The following TMEM131 variants were observed in gnomAD, a reference collection of about 807,000 sequenced individuals.
TMEM131 encodes the protein 2610524E03Rik.
A neutral mutation model predicts 211.6 loss-of-function variants in TMEM131; 66 were observed. The observed-to-expected ratio is 0.31, with a 90% CI of 0.26 to 0.38. TMEM131 has a LOEUF of 0.38. Ranked by LOEUF, TMEM131 falls within the 10% of genes least tolerant of loss-of-function variation. The pLI, the probability that TMEM131 is intolerant of heterozygous loss-of-function variation, is 1.00. For missense variants in TMEM131, 2,036 were observed against 2,299.3 expected (o/e 0.89, Z 2.34); for synonymous variants, 844 against 841.3 (o/e 1.00, Z -0.06).
At chr2:97,943,053 G>GAAAAGAAAAGA (rs1320631396) in intron 1 of TMEM131, among the ~76,000 whole-genome samples, 4 of 66,212 alleles carry the variant, frequency 6.0e-5, no homozygotes, top group Admixed American at 5.0e-4. Context: ...AAGAAAGAAA[G>GAAAAGAAAAGA]AAAGAAAGAA....
At chr2:97,765,993 T>C (rs1425120323) in intron 35 of TMEM131, 121 bp downstream of exon 35, 1 of 1,296,302 alleles carries the variant, frequency 7.7e-7, no homozygotes, top group Non-Finnish European at 1.1e-6. Flanking sequence ...AATGGGCTCT[T>C]AGCTGGCAAA....
intron 11 of TMEM131, among the ~76,000 whole-genome samples, chr2:97,831,664 C>CTTTTTTTTTTTTTTT (rs11378393): frequency 7.4e-5 from 6 of 80,614 alleles, no homozygotes; most frequent in Admixed American, 3.4e-4. Flanking sequence ...TCACATACCT[C>CTTTTTTTTTTTTTTT]TTTTTTTTTT....
At chr2:97,908,241 C>T (rs570631531) in intron 3 of TMEM131, among the ~76,000 whole-genome samples, 4 of 152,102 alleles carry the variant, frequency 2.6e-5, no homozygotes, top group African/African-American at 4.8e-5. Flanking sequence ...TATTTAAAAG[C>T]GGTCTCTCCA....
intron 4 of TMEM131, among the ~76,000 whole-genome samples, chr2:97,863,055 T>C (rs573169494): frequency 1.4e-4 from 21 of 152,230 alleles, no homozygotes; most frequent in African/African-American, 4.8e-4. Flanking sequence ...GTAGAAATCT[T>C]ACAGGCCAGG....
At chr2:97,774,567 G>A (rs781645738) in intron 32 of TMEM131, among the ~76,000 whole-genome samples, 26 of 152,308 alleles carry the variant, frequency 1.7e-4, no homozygotes, top group African/African-American at 5.1e-4. Context: ...CAAATAGCAC[G>A]GAAGAAGCTG....
At chr2:97,987,405 A>G (rs1680074137) in intron 1 of TMEM131, among the ~76,000 whole-genome samples, 1 of 152,132 alleles carries the variant, frequency 6.6e-6, no homozygotes, top group African/African-American at 2.4e-5. Context: ...CAGGAGGCTG[A>G]GGCAGGAGAA....
chr2:97,897,062 C>T (rs543989040), intron 3 of TMEM131, among the ~76,000 whole-genome samples: 1 of 151,934 alleles, frequency 6.6e-6, no homozygotes, highest in South Asian at 2.1e-4. Flanking sequence ...TAAATTTATC[C>T]CAAAGTATGC....
intron 3 of TMEM131, among the ~76,000 whole-genome samples, chr2:97,896,524 C>T (rs1190200759): frequency 3.3e-5 from 5 of 152,054 alleles, no homozygotes; most frequent in African/African-American, 1.2e-4. Flanking sequence ...TAAGAACTTG[C>T]TTTATGAATC....
chr2:97,881,930 T>C (rs1674952895), intron 4 of TMEM131, among the ~76,000 whole-genome samples: 2 of 152,172 alleles, frequency 1.3e-5, no homozygotes, highest in Admixed American at 6.5e-5. Flanking sequence ...GGAAAAAACA[T>C]ACAATAACTT....
At chr2:97,984,821 C>T (rs1679956020) in intron 1 of TMEM131, among the ~76,000 whole-genome samples, 1 of 151,690 alleles carries the variant, frequency 6.6e-6, no homozygotes. Context: ...AACAAAACCA[C>T]AATATAAAAA....
At chr2:97,776,167 C>T in intron 31 of TMEM131, 149 bp from the exon 32 acceptor site, 1 of 743,016 alleles carries the variant, frequency 1.3e-6, no homozygotes, top group South Asian at 1.9e-5. Context: ...CATTCTCCTG[C>T]CTCAGCCTCC....
intron 40 of TMEM131, among the ~76,000 whole-genome samples, chr2:97,758,550 C>T (rs950409490): frequency 1.3e-5 from 2 of 152,224 alleles, no homozygotes; most frequent in Admixed American, 6.5e-5. Context: ...CCTCAACCAT[C>T]TGAACCTGCC....
chr2:97,906,867 T>C (rs986914796), intron 3 of TMEM131, among the ~76,000 whole-genome samples: 2 of 152,190 alleles, frequency 1.3e-5, no homozygotes, highest in African/African-American at 4.8e-5. Flanking sequence ...CATAAAATGG[T>C]TATTTTATGC....
At chr2:97,832,236 G>A (rs79306383) in intron 11 of TMEM131, among the ~76,000 whole-genome samples, 1 of 152,250 alleles carries the variant, frequency 6.6e-6, no homozygotes, top group East Asian at 1.9e-4. Context: ...AGTGACCTGA[G>A]TACTAGTTCT....
At position 97,901,565 on chromosome 2, in the gene TMEM131, T is replaced by C. The variant is rs549083394; in HGVS notation, c.290+7093A>G. The stretch of plus-strand genomic sequence containing the variant: ...TCCATCAATGGATGAACAAAGAAAA[T>C]AGGTATATATTAAACACAATGGAAT... On this transcript the variant is annotated intron_variant, in intron 3 of 40. Coordinates refer to ENST00000186436, the MANE Select transcript of TMEM131 (RefSeq NM_015348.2). Among the ~76,000 whole-genome samples, 28 of 151,958 alleles carry C rather than the reference T, an allele frequency of 1.8e-4. 1 individual carries two copies. In the East Asian group the frequency reaches 1.9e-3, roughly 10 times the overall value.
intron 31 of TMEM131, among the ~76,000 whole-genome samples, chr2:97,789,742 A>G (rs1278214320): frequency 6.6e-6 from 1 of 152,182 alleles, no homozygotes; most frequent in Admixed American, 6.5e-5. Flanking sequence ...TTAGCCCTCA[A>G]TCCTGCAGTG....
At chr2:97,816,004 C>T (rs1681811403) in intron 12 of TMEM131, among the ~76,000 whole-genome samples, 1 of 152,088 alleles carries the variant, frequency 6.6e-6, no homozygotes, top group African/African-American at 2.4e-5. Flanking sequence ...ATTATATTGT[C>T]CTCATCTTAG....
At chr2:97,787,294 A>T (rs1680299968) in intron 31 of TMEM131, among the ~76,000 whole-genome samples, 2 of 152,214 alleles carry the variant, frequency 1.3e-5, no homozygotes, top group Admixed American at 6.5e-5. Context: ...CCTCTCTCCC[A>T]CTTTAAATCA....
intron 31 of TMEM131, among the ~76,000 whole-genome samples, chr2:97,788,917 G>T (rs1258610491): frequency 6.6e-6 from 1 of 152,140 alleles, no homozygotes; most frequent in Non-Finnish European, 1.5e-5. Flanking sequence ...CTTCTTGGTT[G>T]TAACTCTCTA....
Sources: gnomAD v4.1 joint callset for allele counts (sites outside exome capture counted in the v4.1 genomes callset) on GRCh38, gnomAD v4.1.1 for gene constraint, MANE v1.5 for transcripts, NCBI Gene and HGNC (gene_info 2026-07-23, HGNC 2026-07-21) for gene names.